Variants in DOK6 observed in about 807,000 individuals in gnomAD.
DOK6 encodes the protein docking protein 6.
Under a neutral mutation model 44.0 loss-of-function variants are expected in DOK6, and 22 were observed. The observed-to-expected ratio is 0.50, with a 90% CI of 0.36 to 0.71. The LOEUF (loss-of-function observed/expected upper bound fraction) is 0.71. DOK6 is among the 30% of genes least tolerant of loss of function. DOK6 has a pLI of 0.00. For missense variants in DOK6, 340 were observed against 416.4 expected (o/e 0.82, Z 1.60); for synonymous variants, 166 against 145.5 (o/e 1.14, Z -1.01).
At chr18:69,474,087 C>T (rs923635353) in intron 1 of DOK6, among the ~76,000 whole-genome samples, 4 of 152,142 alleles carry the variant, frequency 2.6e-5, no homozygotes, top group Admixed American at 2.6e-4. Context: ...AATGAAAATA[C>T]ATTGCAAAAT....
At chr18:69,674,239 C>T (rs1985870211) in intron 3 of DOK6, among the ~76,000 whole-genome samples, 1 of 152,134 alleles carries the variant, frequency 6.6e-6, no homozygotes, top group South Asian at 2.1e-4. Context: ...AAAACCAAAG[C>T]TTTGTCTAAA....
At chr18:69,496,191 ACCG>A (rs1980883241) in intron 1 of DOK6, among the ~76,000 whole-genome samples, 1 of 152,160 alleles carries the variant, frequency 6.6e-6, no homozygotes, top group African/African-American at 2.4e-5. Flanking sequence ...TTGAGATGTC[ACCG>A]TCAACGAGGG....
intron 1 of DOK6, among the ~76,000 whole-genome samples, chr18:69,520,242 A>G (rs1981648122): frequency 6.6e-6 from 1 of 151,226 alleles, no homozygotes; most frequent in Non-Finnish European, 1.5e-5. Flanking sequence ...AAGAAAATAT[A>G]TTTACTTATT....
intron 7 of DOK6, among the ~76,000 whole-genome samples, chr18:69,826,259 T>G (rs906429806): frequency 2.0e-5 from 3 of 152,238 alleles, no homozygotes; most frequent in Non-Finnish European, 4.4e-5. Context: ...GTGCTAGGAC[T>G]GGCCTTGGCA....
At chr18:69,457,542 T>C (rs1979664297) in intron 1 of DOK6, among the ~76,000 whole-genome samples, 1 of 152,218 alleles carries the variant, frequency 6.6e-6, no homozygotes, top group Non-Finnish European at 1.5e-5. Context: ...TCTAGTCCTA[T>C]AGTATAGTCT....
At chr18:69,762,061 G>A (rs1979574667) in intron 7 of DOK6, among the ~76,000 whole-genome samples, 1 of 152,124 alleles carries the variant, frequency 6.6e-6, no homozygotes. Context: ...ACTTGGAAGA[G>A]GGCCAAGCCG....
At chr18:69,646,466 TTTC>T (rs991235663) in intron 3 of DOK6, among the ~76,000 whole-genome samples, 80 of 152,298 alleles carry the variant, frequency 5.3e-4, no homozygotes, top group Middle Eastern at 3.4e-3. Context: ...CTTTTTAAAA[TTTC>T]TTGTTAGTAC....
rs1022548856 is a variant in DOK6, at chr18:69,844,360, A to G, written c.*2977A>G. On this transcript the variant is annotated 3_prime_UTR_variant, in exon 8 of 8. Transcript: ENST00000382713. Reference sequence around the variant, plus strand: ...AAGAGACCAATGATAAAGGAACCCAACGTAAGGAATAGCAGTTCTGAAAAT... The same window carrying G: ...AAGAGACCAATGATAAAGGAACCCAGCGTAAGGAATAGCAGTTCTGAAAAT... The G allele has an allele frequency of 2.0e-5, 3 of 152,188 alleles. No individual in the cohort carries two copies. Among genetic ancestry groups the G allele is most frequent in the Non-Finnish European group, 4.4e-5 (3 of 68,034 alleles). 9.4% of individuals were successfully genotyped at this position (152,188 alleles called of 1,614,324 possible).
chr18:69,790,197 A>T (rs1295480714), intron 7 of DOK6, among the ~76,000 whole-genome samples: 1 of 150,044 alleles, frequency 6.7e-6, no homozygotes, highest in Non-Finnish European at 1.5e-5. Context: ...CGTTTCACTC[A>T]TAAGTGGGAG....
At chr18:69,591,934 A>G (rs1254549515) in intron 2 of DOK6, among the ~76,000 whole-genome samples, 1 of 152,138 alleles carries the variant, frequency 6.6e-6, no homozygotes, top group Non-Finnish European at 1.5e-5. Flanking sequence ...AATATATTAA[A>G]CAGATTAAAC....
chr18:69,410,027 T>G (rs1363556472), intron 1 of DOK6, among the ~76,000 whole-genome samples: 1 of 152,198 alleles, frequency 6.6e-6, no homozygotes, highest in African/African-American at 2.4e-5. Context: ...TATATAAGTC[T>G]CCTAAACCAA....
intron 3 of DOK6, among the ~76,000 whole-genome samples, chr18:69,639,024 A>G (rs1335886814): frequency 6.6e-6 from 1 of 152,190 alleles, no homozygotes; most frequent in East Asian, 1.9e-4. Flanking sequence ...ATTCAGGCTG[A>G]AATCACAAAG....
intron 7 of DOK6, among the ~76,000 whole-genome samples, chr18:69,796,692 C>T (rs1980754223): frequency 6.6e-6 from 1 of 152,180 alleles, no homozygotes; most frequent in Admixed American, 6.6e-5. Flanking sequence ...GTCAAATTAG[C>T]TCGTGTGTAC....
chr18:69,544,913 T>G (rs1982362003), intron 1 of DOK6, among the ~76,000 whole-genome samples: 1 of 151,114 alleles, frequency 6.6e-6, no homozygotes, highest in African/African-American at 2.4e-5. Context: ...GGCGGATCAC[T>G]AGGTCAGGAG....
chr18:69,622,793 T>C (rs1433931479), intron 3 of DOK6, among the ~76,000 whole-genome samples: 1 of 152,208 alleles, frequency 6.6e-6, no homozygotes, highest in Non-Finnish European at 1.5e-5. Flanking sequence ...TGTGAAACTT[T>C]AAAACAATTA....
chr18:69,595,007 C>T (rs1040741739), intron 2 of DOK6, among the ~76,000 whole-genome samples: 1 of 152,028 alleles, frequency 6.6e-6, no homozygotes, highest in African/African-American at 2.4e-5. Context: ...GTCTCATTTA[C>T]AATACCTCAA....
chr18:69,525,830 A>G (rs531838787), intron 1 of DOK6, among the ~76,000 whole-genome samples: 65 of 152,134 alleles, frequency 4.3e-4, no homozygotes, highest in Admixed American at 9.2e-4. Flanking sequence ...GAAATATTCT[A>G]TCCTTTAATT....
rs572721929 is a variant in DOK6 at position 69,471,024 on chromosome 18, C to T, written c.66+69714C>T. Among the ~76,000 whole-genome samples the T allele has an allele frequency of 2.2e-4, 33 of 151,490 alleles. No individual in the cohort carries two copies. The South Asian group carries it at 6.5e-3, about 30-fold the overall frequency. On this transcript the variant is annotated intron_variant, in intron 1 of 7. Coordinates refer to ENST00000382713, the MANE Select transcript of DOK6 (RefSeq NM_152721.6). ...CAGCACTTTGGGAGTCCGAGGCAGG[C>T]GGATCACCTGAGGTCGGGAGTTTGA...
intron 1 of DOK6, among the ~76,000 whole-genome samples, chr18:69,445,833 C>A (rs1979270764): frequency 6.6e-6 from 1 of 152,268 alleles, no homozygotes; most frequent in South Asian, 2.1e-4. Context: ...TCACAGTGAG[C>A]TATGACTGCA....
Sources: allele counts gnomAD v4.1 joint callset (sites outside exome capture counted in the v4.1 genomes callset), GRCh38; gene constraint gnomAD v4.1.1; transcripts MANE v1.5; gene names NCBI Gene and HGNC (gene_info 2026-07-23, HGNC 2026-07-21).